The following FSCN2 variants were observed in gnomAD, a reference collection of about 807,000 sequenced individuals.
FSCN2 encodes fascin actin-bundling protein 2, retinal.
Under a neutral mutation model 37.8 loss-of-function variants are expected in FSCN2, and 46 were observed. The ratio of observed to expected loss-of-function variants is 1.22; its 90% CI spans 0.96 to 1.56. FSCN2 has a LOEUF of 1.56. FSCN2 is among the 40% of genes most tolerant of loss of function. The pLI, the probability that FSCN2 is intolerant of heterozygous loss-of-function variation, is 0.00. For missense variants in FSCN2, 844 were observed against 730.4 expected, an observed-to-expected ratio of 1.16 and a Z score of -1.79; for synonymous variants, 351 against 309.4, an observed-to-expected ratio of 1.13 and a Z score of -1.41.
chr17:81,515,937 G>C, the FSCN2 span, among the ~76,000 whole-genome samples: 2 of 152,252 alleles, frequency 1.3e-5, no homozygotes, highest in African/African-American at 4.8e-5. Context: ...CTCTGTCTCC[G>C]GGGTTCAAGC....
chr17:81,518,385 C>T, the FSCN2 span, among the ~76,000 whole-genome samples: 1 of 123,792 alleles, frequency 8.1e-6, no homozygotes, highest in African/African-American at 3.3e-5. Context: ...CTGGCATAGC[C>T]CCTGTACCTG....
chr17:81,528,500 C>T lies in FSCN2; in HGVS notation c.-32C>T. 6.6e-7 allele frequency: 1 copy of T among 1,516,956 alleles called. No homozygotes were observed. Among genetic ancestry groups the T allele is most frequent in the African/African-American group, 1.4e-5 (1 of 72,722 alleles). 94.0% of individuals were successfully genotyped at this position (1,516,956 alleles called of 1,614,324 possible). The stretch of plus-strand genomic sequence containing the variant: ...CCGTGAGCACTCAGAGGGCGCATCC[C>T]AGGCCCCTCCGGGGACCCGGCCAGC... On this transcript the variant is annotated 5_prime_UTR_variant, in exon 1 of 5. Transcript: ENST00000417245.
At chr17:81,535,452 CCCATCT>C (rs2032826413) in intron 2 of FSCN2, among the ~76,000 whole-genome samples, 1 of 119,244 alleles carries the variant, frequency 8.4e-6, no homozygotes, top group Non-Finnish European at 1.7e-5. Flanking sequence ...CATCCGCATC[CCCATCT>C]CCATCCCCAC....
the FSCN2 span, chr17:81,518,943 T>G: frequency 6.6e-6 from 1 of 152,234 alleles, no homozygotes; most frequent in African/African-American, 2.4e-5. Context: ...AAGCCCGGAC[T>G]CTGTCAGGGT....
At position 81,536,146 on chromosome 17, in the gene FSCN2, T is replaced by C; in HGVS notation, c.984T>C (p.Val328=). 1.9e-6 allele frequency: 3 copies of C among 1,607,422 alleles called. No homozygotes were observed. Among genetic ancestry groups the C allele is most frequent in the Non-Finnish European group, 2.5e-6 (3 of 1,177,604 alleles). ...HGGIHATATQ[V]SANTMFEMEW... ...GGAGACCTTTTGCTGCTCCCTCCAG[T>C]TCTGCCAACACCATGTTTGAGATGG... The change falls in exon 3 of 5, where the codon GTT becomes GTC. Residue 328 remains valine, a splice_region_variant and synonymous_variant. Transcript: ENST00000417245.
chr17:81,529,851 C>A (rs1401746871), intron 1 of FSCN2, among the ~76,000 whole-genome samples: 4 of 152,234 alleles, frequency 2.6e-5, no homozygotes, highest in Non-Finnish European at 4.4e-5. Context: ...GCTCTGTCAC[C>A]CAGGCTGGAG....
chr17:81,531,486 A>ATGG (rs1568077493), intron 1 of FSCN2, among the ~76,000 whole-genome samples: 5 of 79,394 alleles, frequency 6.3e-5, no homozygotes, highest in Non-Finnish European at 7.8e-5. Flanking sequence ...GGTGATGGTG[A>ATGG]TGATGGTGAT....
Position 81,536,887 on chromosome 17 carries a change from G to C in FSCN2, c.1286G>C (p.Gly429Ala), listed in dbSNP as rs759209396. 4 of 1,574,690 alleles carry C rather than the reference G, an allele frequency of 2.5e-6. No homozygotes were observed. Among genetic ancestry groups the C allele is most frequent in the African/African-American group, 2.7e-5 (2 of 72,952 alleles). The change falls in exon 5 of 5, where the codon GGG (glycine) becomes GCG (alanine). Residue 429 changes from glycine (G) to alanine (A), a missense_variant. Coordinates refer to ENST00000417245, the MANE Select transcript of FSCN2 (RefSeq NM_012418.4). ...TCCCGTCCCCCAGGCCGCGACGGAG[G>C]GTTCTGGTACACGGGCAGCCACGGC... ...GAYRIRGRDG[G>A]FWYTGSHGSV...
At chr17:81,526,536 C>T (rs2032357651), upstream of FSCN2, among the ~76,000 whole-genome samples, 1 of 152,226 alleles carries the variant, frequency 6.6e-6, no homozygotes. Context: ...GAGGCTGAGG[C>T]AGGAGGACTG....
rs563577294 is a variant in FSCN2, at chr17:81,530,918, T to C, written c.826+1561T>C. Among the ~76,000 whole-genome samples, 48 of 151,470 alleles carry C rather than the reference T, an allele frequency of 3.2e-4. 1 individual carries two copies. The South Asian group carries it at 9.6e-3, about 30-fold the overall frequency. On this transcript the variant is annotated intron_variant, in intron 1 of 4. Coordinates refer to ENST00000417245, the MANE Select transcript of FSCN2 (RefSeq NM_012418.4). Reference sequence around the variant, plus strand: ...TGCTGGCCTGGGCCCAGGCCGGGCATGTGGCAATCCTTAGGTGGTTAAAGG... The same window carrying C: ...TGCTGGCCTGGGCCCAGGCCGGGCACGTGGCAATCCTTAGGTGGTTAAAGG...
chr17:81,525,567 C>CA (rs113481593), upstream of FSCN2, among the ~76,000 whole-genome samples: 5 of 148,762 alleles, frequency 3.4e-5, no homozygotes, highest in African/African-American at 7.4e-5. Flanking sequence ...CTAAAAAATA[C>CA]AAAAAAAATT....
chr17:81,531,315 GTGATGA>G (rs147677430), intron 1 of FSCN2, among the ~76,000 whole-genome samples: 52 of 36,082 alleles, frequency 1.4e-3, no homozygotes, highest in Middle Eastern at 0.027. Flanking sequence ...GGTGGTGGTG[GTGATGA>G]TGGTGGTGGT....
chr17:81,532,706 A>AT lies in FSCN2; in HGVS notation c.827-2346_827-2345insT, dbSNP rs1490005429. Reference sequence around the variant, plus strand: ...TAGTGATGGTGATGGCGATAGTGATAGTGATGGTGGTGGTGATAGTGATGG... The same window carrying AT: ...TAGTGATGGTGATGGCGATAGTGATATGTGATGGTGGTGGTGATAGTGATGG... On this transcript the variant is annotated intron_variant, in intron 1 of 4. Coordinates refer to ENST00000417245, the MANE Select transcript of FSCN2 (RefSeq NM_012418.4). 4.2e-5 allele frequency among the ~76,000 whole-genome samples: 5 copies of AT among 119,296 alleles called. No individual in the cohort carries two copies. The East Asian group carries it at 1.3e-3, about 31-fold the overall frequency. 78.3% of individuals were successfully genotyped at this position (119,296 alleles called of 152,430 possible).
intron 2 of FSCN2, 31 bp from the exon 3 acceptor site, chr17:81,536,115 T>C (rs749526857): frequency 7.9e-5 from 126 of 1,601,826 alleles, no homozygotes; most frequent in Non-Finnish European, 8.0e-5. Flanking sequence ...TCTCCTGCTG[T>C]CCTGAGGAGA....
chr17:81,518,967 CCA>C, the FSCN2 span: 1 of 152,254 alleles, frequency 6.6e-6, no homozygotes, highest in Non-Finnish European at 1.5e-5. Context: ...CGAGTCTTAG[CCA>C]CGCCATCCTT....
intron 1 of FSCN2, among the ~76,000 whole-genome samples, chr17:81,532,098 GTGA>G (rs1272171546): frequency 1.1e-4 from 13 of 117,430 alleles, no homozygotes; most frequent in African/African-American, 4.2e-4. Context: ...GGTGATGATG[GTGA>G]TGATAGTGAT....
chr17:81,519,869 G>C, the FSCN2 span, among the ~76,000 whole-genome samples: 9,122 of 152,310 alleles, frequency 0.06, 561 homozygotes, highest in African/African-American at 0.15. Flanking sequence ...CTGGCCCTGG[G>C]TGCGGGGCGT....
chr17:81,531,837 A>G lies in FSCN2; in HGVS notation c.826+2480A>G, dbSNP rs796527284. On this transcript the variant is annotated intron_variant, in intron 1 of 4. Coordinates refer to ENST00000417245, the MANE Select transcript of FSCN2 (RefSeq NM_012418.4). ...GGTGGTGGTGATGGTGGTGGTGGTG[A>G]TGGTGGTGATGGTGATGGTGGTGAT... Among the ~76,000 whole-genome samples, 205 of 108,702 alleles carry G rather than the reference A, an allele frequency of 1.9e-3. 14 individuals are homozygous for G. Among genetic ancestry groups the G allele is most frequent in the African/African-American group, 8.1e-3 (175 of 21,540 alleles). The allele number at this position is 108,702 out of a possible 152,430, so 71.3% of individuals were successfully genotyped here. A position where few individuals can be genotyped will look rare whatever the true frequency, so the allele number is the denominator to read the frequency against.
At chr17:81,529,450 G>A (rs76846067) in intron 1 of FSCN2, 93 bp downstream of exon 1, 172 of 969,150 alleles carry the variant, frequency 1.8e-4, no homozygotes, top group African/African-American at 1.6e-3. Flanking sequence ...GAGTGGTATC[G>A]TGTCTGTGCG....
Sources: gnomAD v4.1 joint callset for allele counts (sites outside exome capture counted in the v4.1 genomes callset) on GRCh38, gnomAD v4.1.1 for gene constraint, MANE v1.5 for transcripts, NCBI Gene and HGNC (gene_info 2026-07-23, HGNC 2026-07-21) for gene names.